Variants in SBK1 observed in about 807,000 individuals in gnomAD.
SBK1 encodes the protein SH3 domain binding kinase 1, also known as serine/threonine-protein kinase SBK1.
In SBK1, 11 loss-of-function variants were observed where a neutral mutation model predicts 24.4. The ratio of observed to expected loss-of-function variants is 0.45; its 90% CI spans 0.28 to 0.75. The LOEUF (loss-of-function observed/expected upper bound fraction) is 0.75. Among genes scored for constraint, SBK1 ranks in the 30% least tolerant of loss-of-function variants. The probability of loss-of-function intolerance (pLI) is 0.12; values close to 1 mark genes in which losing one functional copy is unlikely to be tolerated. For missense variants in SBK1, 467 were observed against 620.5 expected (o/e 0.75, Z 2.63); for synonymous variants, 308 against 284.4 (o/e 1.08, Z -0.83).
rs2044867073 is a variant in SBK1, at chr16:28,322,941, TCTCTC to T, written c.*2021_*2025del. Reference sequence around the variant, plus strand: ...CGCGCTCTCTCTCTCCCTCTCTCTCTCTCTCTCTCTCTCTCTCTCTCTCTCTCTCT... The same window carrying T: ...CGCGCTCTCTCTCTCCCTCTCTCTCTTCTCTCTCTCTCTCTCTCTCTCTCT... On this transcript the variant is annotated 3_prime_UTR_variant, in exon 4 of 4. Transcript: ENST00000341901. The T allele has an allele frequency of 5.5e-5, 4 of 72,608 alleles. No homozygotes were observed. Among genetic ancestry groups the T allele is most frequent in the African/African-American group, 2.1e-4 (4 of 18,896 alleles). The allele number at this position is 72,608 out of a possible 1,614,324, so 4.5% of individuals were successfully genotyped here.
chr16:28,316,193 T>C (rs1325425613), intron 1 of SBK1, among the ~76,000 whole-genome samples: 1 of 152,158 alleles, frequency 6.6e-6, no homozygotes, highest in East Asian at 1.9e-4. Context: ...GGTGGGATGG[T>C]GTGGCCACAT....
In SBK1 at chr16:28,293,257, G is replaced by T; in HGVS notation, c.-51G>T. 1.0e-6 allele frequency: 1 copy of T among 985,464 alleles called. No individual in the cohort carries two copies. The highest frequency in any genetic ancestry group is 1.2e-6 in the Non-Finnish European group (1 of 829,968). The allele number at this position is 985,464 out of a possible 1,614,324, so 61.0% of individuals were successfully genotyped here. ...GGCCGGGCAGACGAAGACCGCGACGGCGCCCAGGCCCCCTGCCGCGGCGTC... is the reference window on the plus strand; with the variant it reads ...GGCCGGGCAGACGAAGACCGCGACGTCGCCCAGGCCCCCTGCCGCGGCGTC... On this transcript the variant is annotated 5_prime_UTR_variant, in exon 1 of 4. Coordinates refer to ENST00000341901, the MANE Select transcript of SBK1 (RefSeq NM_001024401.3).
intron 1 of SBK1, among the ~76,000 whole-genome samples, chr16:28,265,037 C>T (rs1397517795): frequency 1.3e-5 from 2 of 151,316 alleles, no homozygotes; most frequent in Non-Finnish European, 2.9e-5. Flanking sequence ...TTTGGGAGGC[C>T]GAGGCAGGAG....
chr16:28,320,761 C>T lies in SBK1; in HGVS notation c.1115C>T (p.Ser372Leu). 1 of 1,366,602 alleles carries T rather than the reference C, an allele frequency of 7.3e-7. No homozygotes were observed. Among genetic ancestry groups the T allele is most frequent in the South Asian group, 1.3e-5 (1 of 74,074 alleles). The allele number at this position is 1,366,602 out of a possible 1,614,324, so 84.7% of individuals were successfully genotyped here. ...GSRPAPPAVG[S>L]VPLPVPVPVP... The stretch of plus-strand genomic sequence containing the variant: ...CGGCCCGCGCCCCCCGCCGTCGGGT[C>T]GGTGCCCTTGCCCGTGCCGGTGCCG... Residue 372 changes from serine (S) to leucine (L), a missense_variant, in exon 4 of 4, where the codon TCG (serine) becomes TTG (leucine). Around this residue, in one of 4 missense-constraint regions of SBK1, gnomAD observed 166 missense variants for 146.8 expected, o/e 1.13. Coordinates refer to ENST00000341901, the MANE Select transcript of SBK1 (RefSeq NM_001024401.3). The surrounding 1 kb of genome is among the most constrained non-coding windows in gnomAD (Gnocchi z 8.5).
In SBK1 at chr16:28,320,967, C is replaced by A; in HGVS notation, c.*46C>A. On this transcript the variant is annotated 3_prime_UTR_variant, in exon 4 of 4. Transcript: ENST00000341901. This position sits in a 1 kb window ranked among gnomAD's most constrained non-coding sequence, Gnocchi z 8.5. ...ACCCGGGAGCAGCCCGGGCCCGCCC[C>A]GAGCCGGTGCCCGGTGCGGCGGTAG... The A allele has an allele frequency of 7.4e-7, 1 of 1,346,256 alleles. No homozygotes were observed. Among genetic ancestry groups the A allele is most frequent in the East Asian group, 3.6e-5 (1 of 27,678 alleles). 83.4% of individuals were successfully genotyped at this position (1,346,256 alleles called of 1,614,324 possible). A position where few individuals can be genotyped will look rare whatever the true frequency, so the allele number is the denominator to read the frequency against.
intron 1 of SBK1, among the ~76,000 whole-genome samples, chr16:28,275,053 G>A (rs921040140): frequency 5.3e-4 from 81 of 152,108 alleles, no homozygotes; most frequent in African/African-American, 1.9e-3. Flanking sequence ...GGGGCCGGGC[G>A]TGGTGGCTCA....
At chr16:28,301,465 G>A (rs1350954111) in intron 1 of SBK1, among the ~76,000 whole-genome samples, 2 of 152,154 alleles carry the variant, frequency 1.3e-5, no homozygotes, top group African/African-American at 4.8e-5. Context: ...TCACAGCCCC[G>A]GGAACCCCAG....
In SBK1 at chr16:28,321,800, G is replaced by C. The variant is rs1250221172; in HGVS notation, c.*879G>C. The C allele has an allele frequency of 2.0e-5, 3 of 152,388 alleles. No individual in the cohort carries two copies. Among genetic ancestry groups the C allele is most frequent in the Non-Finnish European group, 4.4e-5 (3 of 68,186 alleles). 9.4% of individuals were successfully genotyped at this position (152,388 alleles called of 1,614,324 possible). On this transcript the variant is annotated 3_prime_UTR_variant, in exon 4 of 4. Transcript: ENST00000341901. ...CTGCCCCCATCCTTAGGGCAGGGGA[G>C]TTAGTGTGGAGCCGAGAGCAGGTCC...
intron 1 of SBK1, among the ~76,000 whole-genome samples, chr16:28,305,372 C>G (rs1438662426): frequency 6.6e-6 from 1 of 151,998 alleles, no homozygotes; most frequent in African/African-American, 2.4e-5. Flanking sequence ...GCTACCACAC[C>G]TGGCTAATTT....
Position 28,317,595 on chromosome 16 carries a change from C to G in SBK1, c.204C>G (p.Asp68Glu), listed in dbSNP as rs113394773. 1 of 1,613,606 alleles carries G rather than the reference C, an allele frequency of 6.2e-7. No individual in the cohort carries two copies. Among genetic ancestry groups the G allele is most frequent in the Non-Finnish European group, 8.5e-7 (1 of 1,179,514 alleles). Residue 68 changes from aspartate (D) to glutamate (E), a missense_variant, in exon 2 of 4, where the codon GAC (aspartate) becomes GAG (glutamate). By Grantham distance (45) the Asp-to-Glu change is conservative. This residue lies in a region of SBK1 where 123 missense variants were observed against 158.2 expected (regional missense o/e 0.78). Coordinates refer to ENST00000341901, the MANE Select transcript of SBK1 (RefSeq NM_001024401.3). The surrounding 1 kb of genome is among the most constrained non-coding windows in gnomAD (Gnocchi z 4.2). ...GCAAAGGCACCTATGGGAAGGTTGA[C>G]CTGGTGGTCTACAAGGGCACAGGTG... is the stretch of plus-strand genomic sequence containing the variant. ...ELGKGTYGKV[D>E]LVVYKGTGTK...
chr16:28,289,480 G>A (rs904118450), upstream of SBK1, among the ~76,000 whole-genome samples: 1 of 152,186 alleles, frequency 6.6e-6, no homozygotes, highest in South Asian at 2.1e-4. Context: ...AAAAGCAGAT[G>A]TCAGGCCGGG....
chr16:28,281,206 A>G (rs1229216407), intron 1 of SBK1, among the ~76,000 whole-genome samples: 2 of 152,076 alleles, frequency 1.3e-5, no homozygotes, highest in Non-Finnish European at 2.9e-5. Flanking sequence ...TAATTAGCTG[A>G]GCTCATTAAC....
In SBK1 at chr16:28,319,395, G is replaced by C. The variant is rs1196702158; in HGVS notation, c.429+198G>C. 6.6e-6 allele frequency among the ~76,000 whole-genome samples: 1 copy of C among 152,122 alleles called. No individual in the cohort carries two copies. The highest frequency in any genetic ancestry group is 2.4e-5 in the African/African-American group (1 of 41,422). On this transcript the variant is annotated intron_variant, in intron 3 of 3. Coordinates refer to ENST00000341901, the MANE Select transcript of SBK1 (RefSeq NM_001024401.3). The surrounding 1 kb of genome is among the most constrained non-coding windows in gnomAD (Gnocchi z 4.0). ...TAGTGGGAAACTGACACTCCACAGC[G>C]GGCCAGATAATAACAGATGGAGATG...
At chr16:28,288,095 T>G (rs1238592803), upstream of SBK1, among the ~76,000 whole-genome samples, 2 of 152,032 alleles carry the variant, frequency 1.3e-5, no homozygotes, top group Non-Finnish European at 2.9e-5. Context: ...GTACTAGATC[T>G]AACACGTGGA....
In SBK1 at chr16:28,322,386, A is replaced by T. The variant is rs2044857845; in HGVS notation, c.*1465A>T. The T allele has an allele frequency of 6.6e-6, 1 of 152,670 alleles. No individual in the cohort carries two copies. Among genetic ancestry groups the T allele is most frequent in the Non-Finnish European group, 1.5e-5 (1 of 68,168 alleles). 9.5% of individuals were successfully genotyped at this position (152,670 alleles called of 1,614,324 possible). ...TCTGTGGAGGCCCGGGACCCCCGCA[A>T]TAAGCACCACATGGGTGAGGCTGTC... On this transcript the variant is annotated 3_prime_UTR_variant, in exon 4 of 4. Coordinates refer to ENST00000341901, the MANE Select transcript of SBK1 (RefSeq NM_001024401.3).
intron 1 of SBK1, among the ~76,000 whole-genome samples, chr16:28,303,021 T>G (rs1231594761): frequency 6.6e-6 from 1 of 151,872 alleles, no homozygotes; most frequent in Non-Finnish European, 1.5e-5. Flanking sequence ...TTTTGTCATT[T>G]GAACAGAACT....
chr16:28,266,985 C>T (rs930035525), intron 1 of SBK1, among the ~76,000 whole-genome samples: 1 of 152,060 alleles, frequency 6.6e-6, no homozygotes. Context: ...CAGCACACTT[C>T]AACCTCTGCC....
At position 28,317,396 on chromosome 16, in the gene SBK1, G is replaced by A. The variant is rs776234706; in HGVS notation, c.5G>A (p.Ser2Asn). ...CCCCTACCCAACAGGGAGAAGATGA[G>A]CGTGGGCTGCCCAGAGCCTGAGCCG... Reference protein sequence around the residue: MSVGCPEPEPPR... With the variant: MNVGCPEPEPPR... The change falls in exon 2 of 4, where the codon AGC becomes AAC. Residue 2 changes from serine to asparagine, a missense_variant. By Grantham distance (46) the Ser-to-Asn change is conservative (BLOSUM62 1). Coordinates refer to ENST00000341901, the MANE Select transcript of SBK1 (RefSeq NM_001024401.3). The surrounding 1 kb of genome is among the most constrained non-coding windows in gnomAD (Gnocchi z 4.2). 16 of 1,613,582 alleles carry A rather than the reference G, an allele frequency of 9.9e-6. No individual in the cohort carries two copies. Among genetic ancestry groups the A allele is most frequent in the Admixed American group, 1.7e-5 (1 of 60,006 alleles).
At chr16:28,292,509 T>C, upstream of SBK1, 2 of 954,436 alleles carry the variant, frequency 2.1e-6, no homozygotes, top group Non-Finnish European at 2.4e-6. Context: ...GCGCGCTGGC[T>C]GGAGGGCGGA....
Sources: gnomAD v4.1 joint callset for allele counts (sites outside exome capture counted in the v4.1 genomes callset) on GRCh38, gnomAD v4.1.1 for gene constraint, gnomAD v4.1.1 regional missense constraint, Gnocchi (gnomAD v3.1) non-coding constraint, MANE v1.5 for transcripts, NCBI Gene and HGNC (gene_info 2026-07-23, HGNC 2026-07-21) for gene names.